The following ADGRL2 variants were observed in gnomAD, a reference collection of about 807,000 sequenced individuals.
The protein encoded by ADGRL2 is adhesion G protein-coupled receptor L2, also known as calcium-independent alpha-latrotoxin receptor 2.
Under a neutral mutation model 157.4 loss-of-function variants are expected in ADGRL2, and 44 were observed. The ratio of observed to expected loss-of-function variants is 0.28; its 90% CI spans 0.22 to 0.36. The LOEUF (loss-of-function observed/expected upper bound fraction) is 0.36. Ranked by LOEUF, ADGRL2 falls within the 10% of genes least tolerant of loss-of-function variation. The pLI, the probability that ADGRL2 is intolerant of heterozygous loss-of-function variation, is 1.00. For synonymous variants in ADGRL2, 585 were observed against 624.7 expected, an observed-to-expected ratio of 0.94 and a Z score of 0.95; for missense variants, 1,510 against 1,768.9, an observed-to-expected ratio of 0.85 and a Z score of 2.63.
chr1:81,827,459 A>G (rs780869798), intron 1 of ADGRL2, among the ~76,000 whole-genome samples: 6 of 152,230 alleles, frequency 3.9e-5, no homozygotes, highest in Non-Finnish European at 7.3e-5. Flanking sequence ...CATGCCAAAC[A>G]AAGTAGTAAG....
intron 6 of ADGRL2, among the ~76,000 whole-genome samples, chr1:81,944,219 G>C (rs954380786): frequency 1.3e-5 from 2 of 152,002 alleles, no homozygotes; most frequent in Admixed American, 1.3e-4. Context: ...TTTGGTGTCT[G>C]TTCTCTCAGT....
At chr1:81,909,672 G>T (rs932700886) in intron 3 of ADGRL2, among the ~76,000 whole-genome samples, 1 of 151,674 alleles carries the variant, frequency 6.6e-6, no homozygotes, top group African/African-American at 2.4e-5. Flanking sequence ...GATAGTTAAG[G>T]TAAACATATT....
At chr1:81,780,863 C>A (rs1015195951) in intron 2 of ADGRL2, among the ~76,000 whole-genome samples, 1 of 152,056 alleles carries the variant, frequency 6.6e-6, no homozygotes, top group Non-Finnish European at 1.5e-5. Flanking sequence ...TATGTCCCCC[C>A]ACAGAATAAA....
intron 1 of ADGRL2, among the ~76,000 whole-genome samples, chr1:81,378,383 T>G (rs1441459961): frequency 2.0e-5 from 3 of 151,276 alleles, no homozygotes; most frequent in Non-Finnish European, 2.9e-5. Context: ...AGACCGTATC[T>G]CTACAAAAAA....
intron 17 of ADGRL2, among the ~76,000 whole-genome samples, chr1:81,974,655 A>G (rs539541771): frequency 6.6e-6 from 1 of 152,208 alleles, no homozygotes; most frequent in East Asian, 1.9e-4. Flanking sequence ...TATCATATCC[A>G]TGTCAGCACT....
chr1:81,560,430 C>T (rs368038796), intron 2 of ADGRL2, among the ~76,000 whole-genome samples: 4 of 152,272 alleles, frequency 2.6e-5, no homozygotes, highest in East Asian at 3.9e-4. Context: ...ACATCGAATC[C>T]TTAGTGCTGT....
intron 1 of ADGRL2, among the ~76,000 whole-genome samples, chr1:81,736,549 G>A (rs186528808): frequency 6.6e-6 from 1 of 152,256 alleles, no homozygotes; most frequent in Admixed American, 6.5e-5. Context: ...GTTTGATGTT[G>A]GACAGGAGTG....
chr1:81,546,098 G>A (rs371864383), intron 2 of ADGRL2, among the ~76,000 whole-genome samples: 85 of 151,820 alleles, frequency 5.6e-4, no homozygotes, highest in African/African-American at 1.8e-3. Flanking sequence ...TTTATATCCC[G>A]TCCACCACTA....
intron 2 of ADGRL2, among the ~76,000 whole-genome samples, chr1:81,497,978 G>A (rs567548519): frequency 2.8e-4 from 43 of 152,194 alleles, no homozygotes; most frequent in African/African-American, 9.9e-4. Flanking sequence ...AGGCCGAGGC[G>A]GGCAGATCAC....
intron 2 of ADGRL2, among the ~76,000 whole-genome samples, chr1:81,892,338 T>A (rs1050607600): frequency 6.6e-6 from 1 of 152,126 alleles, no homozygotes; most frequent in Non-Finnish European, 1.5e-5. Context: ...ACAGATTAAA[T>A]TAATATCTTA....
At chr1:81,769,489 A>T (rs1000419462) in intron 2 of ADGRL2, among the ~76,000 whole-genome samples, 3 of 152,038 alleles carry the variant, frequency 2.0e-5, no homozygotes, top group African/African-American at 7.2e-5. Flanking sequence ...TTTATGAATC[A>T]AGTTTCCAAA....
chr1:81,646,801 G>A (rs957433299), intron 3 of ADGRL2, among the ~76,000 whole-genome samples: 1 of 152,076 alleles, frequency 6.6e-6, no homozygotes, highest in Non-Finnish European at 1.5e-5. Context: ...GTCTGACATA[G>A]GCCCTGCCAT....
chr1:81,395,760 T>A (rs1370238652), intron 1 of ADGRL2, among the ~76,000 whole-genome samples: 2 of 152,232 alleles, frequency 1.3e-5, no homozygotes, highest in Non-Finnish European at 2.9e-5. Context: ...CTTCTGCATA[T>A]GAATATCCAG....
chr1:81,886,189 G>A (rs1473020769), intron 2 of ADGRL2, among the ~76,000 whole-genome samples: 1 of 151,786 alleles, frequency 6.6e-6, no homozygotes, highest in African/African-American at 2.4e-5. Flanking sequence ...TTTTGGGTGG[G>A]GAGACAAAGT....
intron 1 of ADGRL2, among the ~76,000 whole-genome samples, chr1:81,394,879 TTTTATTTA>T (rs57145205): frequency 0.031 from 4,387 of 143,246 alleles, 104 homozygotes; most frequent in African/African-American, 0.062. Flanking sequence ...TGTCTCTCTT[TTTTATTTA>T]TTTATTTATT....
chr1:81,615,773 A>G (rs1055561798), intron 3 of ADGRL2, among the ~76,000 whole-genome samples: 1 of 152,236 alleles, frequency 6.6e-6, no homozygotes, highest in African/African-American at 2.4e-5. Flanking sequence ...TCAATAATGA[A>G]AAATGAAGAA....
intron 2 of ADGRL2, among the ~76,000 whole-genome samples, chr1:81,846,349 T>G (rs1375092747): frequency 1.2e-5 from 1 of 82,772 alleles, no homozygotes; most frequent in Non-Finnish European, 2.9e-5. Flanking sequence ...TTAATAAAGT[T>G]TATTTTTAAG....
At chr1:81,427,471 G>A in intron 1 of ADGRL2, 1 of 754,508 alleles carries the variant, frequency 1.3e-6, no homozygotes, top group Non-Finnish European at 2.4e-6. Flanking sequence ...GAACTATAAT[G>A]ATTTTGGAAA....
chr1:81,310,706 C>T (rs933614328), intron 1 of ADGRL2, among the ~76,000 whole-genome samples: 5 of 152,090 alleles, frequency 3.3e-5, no homozygotes, highest in African/African-American at 1.2e-4. Flanking sequence ...AGTTAGATGT[C>T]GACCATTGGT....
Sources: allele counts gnomAD v4.1 joint callset (sites outside exome capture counted in the v4.1 genomes callset), GRCh38; gene constraint gnomAD v4.1.1; transcripts MANE v1.5; gene names NCBI Gene and HGNC (gene_info 2026-07-23, HGNC 2026-07-21).